CEP112: variants seen among roughly 807,000 people sequenced by gnomAD.
CEP112 encodes centrosomal protein of 112 kDa.
A neutral mutation model predicts 153.0 loss-of-function variants in CEP112; 127 were observed. The ratio of observed to expected loss-of-function variants is 0.83; its 90% CI spans 0.72 to 0.96. CEP112 has a LOEUF of 0.96. Ranked by LOEUF, CEP112 falls within the 40% of genes least tolerant of loss-of-function variation. The pLI, the probability that CEP112 is intolerant of heterozygous loss-of-function variation, is 0.00. For synonymous variants in CEP112, 358 were observed against 374.4 expected (o/e 0.96, Z 0.51); for missense variants, 1,089 against 1,101.2 (o/e 0.99, Z 0.16).
chr17:66,170,651 T>A (rs779948463), intron 4 of CEP112, among the ~76,000 whole-genome samples: 28 of 152,104 alleles, frequency 1.8e-4, no homozygotes, highest in Admixed American at 3.3e-4. Flanking sequence ...TAATCCCAGC[T>A]ACTCTGGAGG....
chr17:65,810,128 G>T (rs1056898161), intron 21 of CEP112, among the ~76,000 whole-genome samples: 4 of 152,198 alleles, frequency 2.6e-5, no homozygotes, highest in African/African-American at 9.6e-5. Flanking sequence ...ATGAATAAAA[G>T]AAGAGAATAT....
intron 6 of CEP112, among the ~76,000 whole-genome samples, chr17:66,112,145 G>A (rs1463601318): frequency 1.3e-5 from 2 of 151,998 alleles, no homozygotes; most frequent in Non-Finnish European, 2.9e-5. Context: ...ACAAAAATTA[G>A]CCAGGCATGG....
In CEP112 at chr17:66,062,955, T is replaced by G; in HGVS notation, c.1074+8A>C. 2 of 1,418,796 alleles carry G rather than the reference T, an allele frequency of 1.4e-6. No homozygotes were observed. The highest frequency in any genetic ancestry group is 2.0e-6 in the Non-Finnish European group (2 of 1,025,092). 87.9% of individuals were successfully genotyped at this position (1,418,796 alleles called of 1,614,324 possible). ...TTATGTTTTCCATTAGTATTTTATG[T>G]AGCTTACCTTTTTTTCCCAGTCATT... On this transcript the variant is annotated splice_region_variant and intron_variant, in intron 11 of 26. Coordinates refer to ENST00000535342, the MANE Select transcript of CEP112 (RefSeq NM_001199165.4).
chr17:65,763,267 A>G (rs2052725323), intron 21 of CEP112, among the ~76,000 whole-genome samples: 1 of 151,926 alleles, frequency 6.6e-6, no homozygotes, highest in South Asian at 2.1e-4. Context: ...CATTTTGAAT[A>G]TGGTATGCCT....
chr17:65,975,421 A>G (rs1406073244), intron 17 of CEP112, among the ~76,000 whole-genome samples: 1 of 152,132 alleles, frequency 6.6e-6, no homozygotes, highest in African/African-American at 2.4e-5. Context: ...ATATAAAAAC[A>G]CACATATGTA....
chr17:66,097,897 C>T (rs2068415252), intron 6 of CEP112, among the ~76,000 whole-genome samples: 1 of 152,164 alleles, frequency 6.6e-6, no homozygotes, highest in African/African-American at 2.4e-5. Flanking sequence ...TCACAAAGTA[C>T]AAGAACACAA....
chr17:66,103,642 T>TA (rs1171883477), intron 6 of CEP112, among the ~76,000 whole-genome samples: 2 of 138,530 alleles, frequency 1.4e-5, no homozygotes, highest in Non-Finnish European at 3.3e-5. Flanking sequence ...ACTATTCACA[T>TA]AAAAAAGCAC....
chr17:65,924,290 A>C (rs1044723436), intron 19 of CEP112, among the ~76,000 whole-genome samples: 3 of 152,162 alleles, frequency 2.0e-5, no homozygotes, highest in Admixed American at 2.0e-4. Flanking sequence ...TAATTTATTT[A>C]ATCATTCATT....
intron 24 of CEP112, among the ~76,000 whole-genome samples, chr17:65,683,967 G>A (rs773998483): frequency 4.3e-4 from 66 of 152,170 alleles, no homozygotes; most frequent in Non-Finnish European, 7.3e-4. Flanking sequence ...CTTGAACCCG[G>A]GAAGCAGAGG....
At chr17:65,736,901 C>T (rs1248416550) in intron 23 of CEP112, among the ~76,000 whole-genome samples, 1 of 152,116 alleles carries the variant, frequency 6.6e-6, no homozygotes, top group Non-Finnish European at 1.5e-5. Context: ...CTAGAGCTGG[C>T]CTGAATCTGA....
chr17:65,962,709 C>T (rs1051194827), intron 17 of CEP112, among the ~76,000 whole-genome samples: 5 of 141,638 alleles, frequency 3.5e-5, no homozygotes, highest in African/African-American at 1.3e-4. Flanking sequence ...GCAGGTCTTT[C>T]CCATGCTGTT....
intron 23 of CEP112, among the ~76,000 whole-genome samples, chr17:65,733,697 G>A (rs576195720): frequency 6.6e-6 from 1 of 152,272 alleles, no homozygotes; most frequent in Non-Finnish European, 1.5e-5. Flanking sequence ...GAGAATAAAT[G>A]ACACTATTTG....
chr17:66,049,198 G>C (rs1011460844), intron 12 of CEP112, among the ~76,000 whole-genome samples: 1 of 151,972 alleles, frequency 6.6e-6, no homozygotes, highest in African/African-American at 2.4e-5. Context: ...ACCAAAACAA[G>C]GACCTAGTCT....
At chr17:65,922,909 C>A (rs1473744243) in intron 19 of CEP112, among the ~76,000 whole-genome samples, 1 of 152,124 alleles carries the variant, frequency 6.6e-6, no homozygotes, top group Non-Finnish European at 1.5e-5. Context: ...CCTCTTACCA[C>A]CCCTTCCTCC....
chr17:66,145,001 C>G (rs2146638184), intron 4 of CEP112, among the ~76,000 whole-genome samples: 1 of 152,292 alleles, frequency 6.6e-6, no homozygotes. Context: ...GTGTATGAGA[C>G]TTTCAGCTTC....
intron 6 of CEP112, among the ~76,000 whole-genome samples, chr17:66,097,238 C>A (rs758216107): frequency 1.3e-5 from 2 of 152,166 alleles, no homozygotes; most frequent in Non-Finnish European, 2.9e-5. Flanking sequence ...TCTCCCATGT[C>A]TGAGTCTTTG....
At chr17:66,097,333 C>T (rs1468851653) in intron 6 of CEP112, among the ~76,000 whole-genome samples, 1 of 152,162 alleles carries the variant, frequency 6.6e-6, no homozygotes, top group Admixed American at 6.6e-5. Flanking sequence ...CCCCAGGAAA[C>T]CTAGTTCCTA....
chr17:66,114,836 C>T (rs1473729576), intron 6 of CEP112, among the ~76,000 whole-genome samples: 2 of 152,004 alleles, frequency 1.3e-5, no homozygotes, highest in Non-Finnish European at 2.9e-5. Flanking sequence ...TATTAGTCAT[C>T]AGGAAAACAT....
At chr17:65,812,024 G>A (rs1203243346) in intron 21 of CEP112, among the ~76,000 whole-genome samples, 7 of 150,344 alleles carry the variant, frequency 4.7e-5, no homozygotes, top group African/African-American at 7.4e-5. Context: ...TTTTTTTTGA[G>A]ATGGAGTCTC....
Sources: allele counts gnomAD v4.1 joint callset (sites outside exome capture counted in the v4.1 genomes callset), GRCh38; gene constraint gnomAD v4.1.1; transcripts MANE v1.5; gene names NCBI Gene and HGNC (gene_info 2026-07-23, HGNC 2026-07-21).